SEC22B: variants seen among roughly 807,000 people sequenced by gnomAD.
SEC22B encodes SEC22 homolog B, vesicle trafficking protein.
A neutral mutation model predicts 31.4 loss-of-function variants in SEC22B; 10 were observed. The observed-to-expected ratio is 0.32, with a 90% CI of 0.20 to 0.54. The LOEUF (loss-of-function observed/expected upper bound fraction) is 0.54, where lower values mean the gene tolerates loss of function less well. SEC22B is among the 20% of genes least tolerant of loss of function. SEC22B has a pLI of 0.94. For missense variants in SEC22B, 130 were observed against 263.4 expected (o/e 0.49, Z 3.50); for synonymous variants, 60 against 95.9 (o/e 0.63, Z 2.19).
Position 120,154,226 on chromosome 1 carries a change from G to A in SEC22B, c.*2812C>T, listed in dbSNP as rs1211205529. ...TATTTGACCTCTTGGTGGTAATATAGCGTAAGAGCACAGACTCTGGAGCCA... is the reference window on the plus strand; with the variant it reads ...TATTTGACCTCTTGGTGGTAATATAACGTAAGAGCACAGACTCTGGAGCCA... On this transcript the variant is annotated 3_prime_UTR_variant, in exon 5 of 5. Transcript: ENST00000578049. The A allele has an allele frequency of 4.6e-5, 7 of 151,990 alleles. No individual in the cohort carries two copies. The highest frequency in any genetic ancestry group is 2.9e-5 in the Non-Finnish European group (2 of 67,958). The allele number at this position is 151,990 out of a possible 1,614,324, so 9.4% of individuals were successfully genotyped here.
chr1:120,157,307 T>G, intron 4 of SEC22B, 115 bp from the exon 5 acceptor site: 1 of 750,550 alleles, frequency 1.3e-6, no homozygotes, highest in Non-Finnish European at 1.9e-6. Flanking sequence ...TAAATCATCA[T>G]TTTTATTTTA....
intron 2 of SEC22B, among the ~76,000 whole-genome samples, chr1:120,166,396 T>TACACACACAC (rs1268229455): frequency 0.047 from 6,717 of 142,008 alleles, 46 homozygotes; most frequent in East Asian, 0.064. Flanking sequence ...AAGTGTTTTT[T>TACACACACAC]ACACACACAC....
At chr1:120,165,978 G>A (rs1657801064) in intron 2 of SEC22B, among the ~76,000 whole-genome samples, 1 of 150,410 alleles carries the variant, frequency 6.6e-6, no homozygotes, top group Non-Finnish European at 1.5e-5. Flanking sequence ...TAAAAAGTAG[G>A]CAAGGAACAG....
chr1:120,176,499 C>A lies in SEC22B; in HGVS notation c.-118G>T, dbSNP rs1553230239. The A allele has an allele frequency of 6.7e-6, 6 of 889,228 alleles. No individual in the cohort carries two copies. Among genetic ancestry groups the A allele is most frequent in the South Asian group, 6.3e-5 (4 of 63,622 alleles). 55.1% of individuals were successfully genotyped at this position (889,228 alleles called of 1,614,324 possible). A position where few individuals can be genotyped will look rare whatever the true frequency, so the allele number is the denominator to read the frequency against. On this transcript the variant is annotated 5_prime_UTR_variant, in exon 1 of 5. Coordinates refer to ENST00000578049, the MANE Select transcript of SEC22B (RefSeq NM_004892.6). Reference sequence around the variant, plus strand: ...CAGTTACCGGAGATCCAGCTGCTTGCGTCTCCGCTTCCCGCTGAGGTGGCC... The same window carrying A: ...CAGTTACCGGAGATCCAGCTGCTTGAGTCTCCGCTTCCCGCTGAGGTGGCC...
chr1:120,170,457 C>T (rs1397006420), intron 1 of SEC22B, among the ~76,000 whole-genome samples: 3 of 146,732 alleles, frequency 2.0e-5, no homozygotes, highest in Non-Finnish European at 4.4e-5. Flanking sequence ...TGTACAATTA[C>T]AGGATAATAA....
chr1:120,153,982 C>T lies in SEC22B; in HGVS notation c.*3056G>A, dbSNP rs1657588081. On this transcript the variant is annotated 3_prime_UTR_variant, in exon 5 of 5. Coordinates refer to ENST00000578049, the MANE Select transcript of SEC22B (RefSeq NM_004892.6). ...GTGTCCAAATATTTCCAAATTTTGA[C>T]ACTTGTAAGATGTCTTAATTAAAAC... 1 of 151,162 alleles carries T rather than the reference C, an allele frequency of 6.6e-6. No individual in the cohort carries two copies. Among genetic ancestry groups the T allele is most frequent in the Admixed American group, 6.6e-5 (1 of 15,172 alleles). 9.4% of individuals were successfully genotyped at this position (151,162 alleles called of 1,614,324 possible).
intron 2 of SEC22B, among the ~76,000 whole-genome samples, chr1:120,168,540 T>C (rs1309760609): frequency 6.6e-6 from 1 of 151,694 alleles, no homozygotes; most frequent in African/African-American, 2.4e-5. Context: ...TGTTAGGAAA[T>C]GTTTGAGCAA....
At chr1:120,170,731 T>C (rs1215241906) in intron 1 of SEC22B, among the ~76,000 whole-genome samples, 2 of 146,516 alleles carry the variant, frequency 1.4e-5, no homozygotes, top group East Asian at 4.0e-4. Flanking sequence ...TTTATAATAA[T>C]TATATCAAAA....
Position 120,152,748 on chromosome 1 carries a change from TAAAC to T in SEC22B, c.*4286_*4289del, listed in dbSNP as rs1181597918. On this transcript the variant is annotated 3_prime_UTR_variant, in exon 5 of 5. Coordinates refer to ENST00000578049, the MANE Select transcript of SEC22B (RefSeq NM_004892.6). The stretch of plus-strand genomic sequence containing the variant: ...AATTGCAAAAAATAACTTTTGAAAA[TAAAC>T]ATACTAATAACTTGACAATAAAGTG... The T allele has an allele frequency of 2.1e-4, 29 of 134,940 alleles. 2 individuals are homozygous for T. Among genetic ancestry groups the T allele is most frequent in the Admixed American group, 1.6e-3 (23 of 14,516 alleles). The allele number at this position is 134,940 out of a possible 1,614,324, so 8.4% of individuals were successfully genotyped here.
chr1:120,169,388 A>C (rs1657860984), intron 1 of SEC22B, among the ~76,000 whole-genome samples: 1 of 152,148 alleles, frequency 6.6e-6, no homozygotes, highest in African/African-American at 2.4e-5. Context: ...TACAGTTTTT[A>C]GCATTTAAAC....
Position 120,152,415 on chromosome 1 carries a change from T to C in SEC22B, c.*4623A>G, listed in dbSNP as rs1657559278. The C allele has an allele frequency of 6.8e-6, 1 of 147,726 alleles. No individual in the cohort carries two copies. The highest frequency in any genetic ancestry group is 1.5e-5 in the Non-Finnish European group (1 of 67,326). 9.2% of individuals were successfully genotyped at this position (147,726 alleles called of 1,614,324 possible). A position where few individuals can be genotyped will look rare whatever the true frequency, so the allele number is the denominator to read the frequency against. ...TTAACTCATATGTCAAAACAACATC[T>C]AGAGAAACAAAAAATGAAAGTAAAA... is the stretch of plus-strand genomic sequence containing the variant. On this transcript the variant is annotated 3_prime_UTR_variant, in exon 5 of 5. Coordinates refer to ENST00000578049, the MANE Select transcript of SEC22B (RefSeq NM_004892.6).
chr1:120,156,857 G>A lies in SEC22B; in HGVS notation c.*181C>T, dbSNP rs1244422722. On this transcript the variant is annotated 3_prime_UTR_variant, in exon 5 of 5. Transcript: ENST00000578049. ...GCCCCCGAAAGAGACTTTCTACATA[G>A]GGTTAAGCTTCATTAAATGAGGTGC... 1 of 403,238 alleles carries A rather than the reference G, an allele frequency of 2.5e-6. No homozygotes were observed. The highest frequency in any genetic ancestry group is 4.4e-6 in the Non-Finnish European group (1 of 228,744). The allele number at this position is 403,238 out of a possible 1,614,324, so 25.0% of individuals were successfully genotyped here.
Position 120,160,482 on chromosome 1 carries a change from C to T in SEC22B, c.395G>A (p.Arg132Gln), listed in dbSNP as rs1280686511. ...AGTGTTGATGGAGCCTAGATTTCTTCGAGCACGACTGTCAATGTAGAGCTT... is the reference window on the plus strand; with the variant it reads ...AGTGTTGATGGAGCCTAGATTTCTTTGAGCACGACTGTCAATGTAGAGCTT... ...TKKLYIDSRA[R>Q]RNLGSINTEL... The change falls in exon 4 of 5, where the codon CGA becomes CAA. Residue 132 changes from arginine (R) to glutamine (Q), a missense_variant. By Grantham distance (43) the Arg-to-Gln change is conservative (BLOSUM62 1). This residue lies in a region of SEC22B where 53 missense variants were observed against 63.3 expected (regional missense o/e 0.84). Transcript: ENST00000578049. 1.2e-5 allele frequency: 19 copies of T among 1,608,452 alleles called. No homozygotes were observed. The highest frequency in any genetic ancestry group is 6.7e-5 in the South Asian group (6 of 89,984).
In SEC22B at chr1:120,176,343, C is replaced by G. The variant is rs1553230201; in HGVS notation, c.39G>C (p.Gly13=). 1.2e-6 allele frequency: 2 copies of G among 1,612,746 alleles called. No individual in the cohort carries two copies. Among genetic ancestry groups the G allele is most frequent in the Non-Finnish European group, 1.7e-6 (2 of 1,179,756 alleles). The part of the protein sequence containing the change: ...LLTMIARVAD[G]LPLAASMQED... ...CCTGCATCGAGGCGGCCAGCGGGAG[C>G]CCGTCCGCCACTCGGGCGATCATTG... The change falls in exon 1 of 5, where the codon GGG becomes GGC. Residue 13 remains glycine, a synonymous_variant. Transcript: ENST00000578049.
intron 2 of SEC22B, among the ~76,000 whole-genome samples, chr1:120,165,707 C>G (rs1308768630): frequency 1.3e-5 from 2 of 152,022 alleles, no homozygotes; most frequent in Non-Finnish European, 2.9e-5. Context: ...TCCCATTTGT[C>G]TACTTTCTTT....
intron 1 of SEC22B, among the ~76,000 whole-genome samples, chr1:120,169,862 G>A (rs1657867906): frequency 7.0e-6 from 1 of 143,488 alleles, no homozygotes; most frequent in Admixed American, 7.1e-5. Flanking sequence ...AATGTTTGCT[G>A]GTATCCCCCA....
rs1553229114 is a variant in SEC22B at position 120,154,437 on chromosome 1, T to C, written c.*2601A>G. ...TAAGCTCCTAACAAAGAAAGTGTTA[T>C]GTAATAGTTATTATCTGGTACCTCT... On this transcript the variant is annotated 3_prime_UTR_variant, in exon 5 of 5. Coordinates refer to ENST00000578049, the MANE Select transcript of SEC22B (RefSeq NM_004892.6). 1 of 151,990 alleles carries C rather than the reference T, an allele frequency of 6.6e-6. No homozygotes were observed. Among genetic ancestry groups the C allele is most frequent in the Non-Finnish European group, 1.5e-5 (1 of 67,906 alleles). The allele number at this position is 151,990 out of a possible 1,614,324, so 9.4% of individuals were successfully genotyped here.
chr1:120,176,225 C>T (rs1428503930), intron 1 of SEC22B, 82 bp downstream of exon 1: 9 of 1,369,296 alleles, frequency 6.6e-6, no homozygotes, highest in Admixed American at 2.0e-5. Context: ...AAAGGTCTCC[C>T]GGTCCTAGGA....
intron 2 of SEC22B, 90 bp from the exon 3 acceptor site, chr1:120,163,460 T>C (rs1174140217): frequency 5.6e-5 from 49 of 876,194 alleles, no homozygotes; most frequent in Non-Finnish European, 7.2e-5. Flanking sequence ...CATGCAAACT[T>C]TTTAAAAAAT....
Sources: gnomAD v4.1 joint callset for allele counts (sites outside exome capture counted in the v4.1 genomes callset) on GRCh38, gnomAD v4.1.1 for gene constraint, gnomAD v4.1.1 regional missense constraint, MANE v1.5 for transcripts, NCBI Gene and HGNC (gene_info 2026-07-23, HGNC 2026-07-21) for gene names.